Variants in MYO5A observed in about 807,000 individuals in gnomAD.
MYO5A encodes the protein myosin VA.
In MYO5A, 98 loss-of-function variants were observed where a neutral mutation model predicts 249.7. The observed-to-expected ratio is 0.39, with a 90% CI of 0.33 to 0.46. The LOEUF (loss-of-function observed/expected upper bound fraction) is 0.46. MYO5A is among the 20% of genes least tolerant of loss of function. The probability of loss-of-function intolerance (pLI) is 0.98; values close to 1 mark genes in which losing one functional copy is unlikely to be tolerated. For missense variants in MYO5A, 1,696 were observed against 2,308.8 expected (o/e 0.73, Z 5.44); for synonymous variants, 778 against 810.6 (o/e 0.96, Z 0.68).
intron 36 of MYO5A, among the ~76,000 whole-genome samples, chr15:52,325,464 T>A (rs1454807051): frequency 6.6e-6 from 1 of 150,796 alleles, no homozygotes; most frequent in Non-Finnish European, 1.5e-5. Flanking sequence ...TGCAGTGGCG[T>A]GATCATGGCT....
intron 30 of MYO5A, among the ~76,000 whole-genome samples, chr15:52,344,146 T>C (rs530368127): frequency 6.6e-6 from 1 of 152,322 alleles, no homozygotes; most frequent in South Asian, 2.1e-4. Context: ...TTCCAGGCAT[T>C]GTCTTCTACT....
At chr15:52,353,060 T>C in intron 27 of MYO5A, among the ~76,000 whole-genome samples, 1 of 152,176 alleles carries the variant, frequency 6.6e-6, no homozygotes, top group South Asian at 2.1e-4. Context: ...AAACACAGAT[T>C]GCTGGGGCGC....
At chr15:52,367,870 A>AAC (rs3985806) in intron 22 of MYO5A, among the ~76,000 whole-genome samples, 12,814 of 141,688 alleles carry the variant, frequency 0.09, 668 homozygotes, top group African/African-American at 0.15. Flanking sequence ...TATATTTTAA[A>AAC]ACACACACAC....
intron 1 of MYO5A, among the ~76,000 whole-genome samples, chr15:52,492,659 C>T (rs1445715269): frequency 6.6e-6 from 1 of 152,190 alleles, no homozygotes; most frequent in African/African-American, 2.4e-5. Context: ...TGTAAACAGG[C>T]CTTCCAAAGG....
chr15:52,410,304 A>G, intron 6 of MYO5A, 29 bp downstream of exon 6: 1 of 1,603,168 alleles, frequency 6.2e-7, no homozygotes, highest in Non-Finnish European at 8.5e-7. Flanking sequence ...AATCTAACAC[A>G]AGTGCATATG....
intron 36 of MYO5A, among the ~76,000 whole-genome samples, chr15:52,327,184 T>C (rs1326498757): frequency 6.6e-6 from 1 of 152,230 alleles, no homozygotes; most frequent in Non-Finnish European, 1.5e-5. Context: ...ATTTAACATC[T>C]ATTTTAATTT....
In MYO5A at chr15:52,351,383, T is replaced by G. The variant is rs776882656; in HGVS notation, c.3720A>C (p.Pro1240=). The change falls in exon 28 of 42, where the codon CCA becomes CCC. Residue 1240 remains proline (P), a synonymous_variant. Transcript: ENST00000399233. ...SEKSAPEVTA[P]GAPAYRVLME... is the part of the protein sequence containing the mutation. ...TGAGGACACGGTAGGCAGGTGCACC[T>G]GGGGCGGTCACCTCTGGGGCACTTT... 1.2e-6 allele frequency: 2 copies of G among 1,614,134 alleles called. No individual in the cohort carries two copies. The highest frequency in any genetic ancestry group is 2.2e-5 in the South Asian group (2 of 91,078).
intron 7 of MYO5A, 115 bp from the exon 8 acceptor site, chr15:52,407,514 G>A: frequency 1.8e-6 from 1 of 556,678 alleles, no homozygotes; most frequent in Non-Finnish European, 3.2e-6. Context: ...AGCATCTAGA[G>A]TTTGACTGCC....
At chr15:52,463,361 G>A (rs2076291164) in intron 1 of MYO5A, among the ~76,000 whole-genome samples, 1 of 152,010 alleles carries the variant, frequency 6.6e-6, no homozygotes, top group African/African-American at 2.4e-5. Context: ...CCTCTATAGT[G>A]GCTTTTCAGT....
chr15:52,450,568 C>T lies in MYO5A; in HGVS notation c.28-17283G>A, dbSNP rs563348271. On this transcript the variant is annotated intron_variant, in intron 1 of 41. Transcript: ENST00000399233. Reference sequence around the variant, plus strand: ...CCTGTAGTCCCAGCTACTCGGTAGGCTGAGGTGGGAGAACCACTTGAACTC... The same window carrying T: ...CCTGTAGTCCCAGCTACTCGGTAGGTTGAGGTGGGAGAACCACTTGAACTC... Among the ~76,000 whole-genome samples the T allele has an allele frequency of 3.9e-4, 59 of 151,328 alleles. No homozygotes were observed. In the South Asian group the frequency reaches 0.012, roughly 31 times the overall value.
At chr15:52,520,747 C>T (rs1408199526) in intron 1 of MYO5A, among the ~76,000 whole-genome samples, 1 of 152,208 alleles carries the variant, frequency 6.6e-6, no homozygotes, top group Non-Finnish European at 1.5e-5. Flanking sequence ...CCCAGACCCT[C>T]TCTATTTACA....
intron 8 of MYO5A, among the ~76,000 whole-genome samples, chr15:52,405,611 T>C (rs775474012): frequency 1.3e-5 from 2 of 152,242 alleles, no homozygotes; most frequent in Non-Finnish European, 2.9e-5. Flanking sequence ...CTGTGGCTGA[T>C]CTGGCTTGAG....
rs2076786669 is a variant in MYO5A at position 52,484,906 on chromosome 15, G to C, written c.27+43874C>G. Among the ~76,000 whole-genome samples the C allele has an allele frequency of 1.3e-5, 2 of 151,982 alleles. 1 individual carries two copies. Among genetic ancestry groups the C allele is most frequent in the African/African-American group, 4.8e-5 (2 of 41,370 alleles). ...GATGAATTTTTTTGTATTTTTAGTA[G>C]CGATGGGGTTTCACCATGTTGGCCA... is the stretch of plus-strand genomic sequence containing the variant. On this transcript the variant is annotated intron_variant, in intron 1 of 41. Transcript: ENST00000399233.
At chr15:52,464,625 T>C (rs1567151569) in intron 1 of MYO5A, among the ~76,000 whole-genome samples, 1 of 152,162 alleles carries the variant, frequency 6.6e-6, no homozygotes, top group Non-Finnish European at 1.5e-5. Context: ...TCAATAAATA[T>C]GTGTGAAATG....
chr15:52,509,235 G>A lies in MYO5A; in HGVS notation c.27+19545C>T, dbSNP rs564800408. 4.6e-5 allele frequency among the ~76,000 whole-genome samples: 7 copies of A among 152,266 alleles called. No homozygotes were observed. The South Asian group carries it at 1.5e-3, about 32-fold the overall frequency. ...AATCCACTTGCTTCAGCCTCCCAAA[G>A]TGTTGGGATTACAGGCATTAGACCT... On this transcript the variant is annotated intron_variant, in intron 1 of 41. Transcript: ENST00000399233.
chr15:52,452,286 C>T (rs183260409), intron 1 of MYO5A, among the ~76,000 whole-genome samples: 20 of 152,184 alleles, frequency 1.3e-4, no homozygotes, highest in African/African-American at 3.1e-4. Flanking sequence ...ATATCAATGA[C>T]GCAGCTCCAC....
chr15:52,512,728 C>T (rs1173358103), intron 1 of MYO5A, among the ~76,000 whole-genome samples: 1 of 152,108 alleles, frequency 6.6e-6, no homozygotes, highest in African/African-American at 2.4e-5. Context: ...ATTTCCTATA[C>T]TATTTCACAC....
intron 4 of MYO5A, among the ~76,000 whole-genome samples, chr15:52,416,538 T>C (rs373208966): frequency 3.9e-5 from 6 of 151,956 alleles, no homozygotes; most frequent in African/African-American, 1.5e-4. Flanking sequence ...GAGGAGGATA[T>C]TTATTATTTA....
intron 1 of MYO5A, among the ~76,000 whole-genome samples, chr15:52,519,622 T>A (rs60629535): frequency 0.3 from 43,668 of 147,762 alleles, 7,267 homozygotes; most frequent in East Asian, 0.71. Flanking sequence ...AAAAAAATAA[T>A]AATAATAATA....
Sources: gnomAD v4.1 joint callset for allele counts (sites outside exome capture counted in the v4.1 genomes callset) on GRCh38, gnomAD v4.1.1 for gene constraint, MANE v1.5 for transcripts, NCBI Gene and HGNC (gene_info 2026-07-23, HGNC 2026-07-21) for gene names.